The following LUZP2 variants were observed in gnomAD, a reference collection of about 807,000 sequenced individuals.
The protein encoded by LUZP2 is leucine zipper protein 2.
A neutral mutation model predicts 51.6 loss-of-function variants in LUZP2; 52 were observed. That is an observed-to-expected ratio of 1.01 (90% confidence interval 0.81 to 1.27). The LOEUF (loss-of-function observed/expected upper bound fraction) is 1.27. Ranked by LOEUF, LUZP2 falls within the 50% of genes most tolerant of loss-of-function variation. The pLI is 0.00. For missense variants in LUZP2, 436 were observed against 395.4 expected, an observed-to-expected ratio of 1.10 and a Z score of -0.87; for synonymous variants, 154 against 137.3, an observed-to-expected ratio of 1.12 and a Z score of -0.85.
chr11:24,902,160 T>A (rs1259110115), intron 5 of LUZP2, among the ~76,000 whole-genome samples: 1 of 152,180 alleles, frequency 6.6e-6, no homozygotes, highest in Admixed American at 6.5e-5. Context: ...AGTAATTAGG[T>A]TCACGAGTAC....
intron 9 of LUZP2, among the ~76,000 whole-genome samples, chr11:25,014,744 C>A (rs7108673): frequency 0.4 from 60,246 of 151,876 alleles, 14,403 homozygotes; most frequent in East Asian, 0.78. Context: ...TGCAGAAGCT[C>A]TTTAGTTTAA....
At chr11:24,848,657 T>A (rs1418859153) in intron 5 of LUZP2, among the ~76,000 whole-genome samples, 1 of 152,188 alleles carries the variant, frequency 6.6e-6, no homozygotes, top group East Asian at 1.9e-4. Context: ...CAAGCCTTAC[T>A]GCTCCATCTT....
intron 7 of LUZP2, among the ~76,000 whole-genome samples, chr11:24,935,859 C>T (rs1046933471): frequency 1.1e-4 from 16 of 151,962 alleles, no homozygotes; most frequent in African/African-American, 3.9e-4. Context: ...TTTAAAAGAG[C>T]CTTTTTATAT....
chr11:24,949,816 T>TCTCAA (rs1225403440), intron 7 of LUZP2, among the ~76,000 whole-genome samples: 2 of 151,666 alleles, frequency 1.3e-5, no homozygotes, highest in African/African-American at 4.8e-5. Flanking sequence ...AACACGCAGG[T>TCTCAA]GATCAGAACT....
intron 9 of LUZP2, among the ~76,000 whole-genome samples, chr11:25,035,858 A>G (rs765228151): frequency 6.6e-6 from 1 of 152,040 alleles, no homozygotes; most frequent in Non-Finnish European, 1.5e-5. Context: ...CTGCTGCTGC[A>G]CTCAGTTTGC....
At chr11:24,870,484 C>CAG (rs759882414) in intron 5 of LUZP2, among the ~76,000 whole-genome samples, 1 of 22,420 alleles carries the variant, frequency 4.5e-5, no homozygotes, top group South Asian at 3.0e-3. Context: ...CACACACACA[C>CAG]ACACAGACAC....
chr11:24,826,190 A>AATATATATATATAT lies in LUZP2; in HGVS notation c.396+62888_396+62901dup, dbSNP rs1158935544. Reference sequence around the variant, plus strand: ...GACTCCATCTCAAAAAAAAAAAAAAAATATATATATATATATATAGTAAAA... The same window carrying AATATATATATATAT: ...GACTCCATCTCAAAAAAAAAAAAAAAATATATATATATATATATATATATATATATATAGTAAAA... On this transcript the variant is annotated intron_variant, in intron 5 of 11. Coordinates refer to ENST00000336930, the MANE Select transcript of LUZP2 (RefSeq NM_001009909.4). 3.1e-3 allele frequency among the ~76,000 whole-genome samples: 212 copies of AATATATATATATAT among 67,492 alleles called. 1 individual carries two copies. The highest frequency in any genetic ancestry group is 7.8e-3 in the African/African-American group (133 of 16,954). 44.3% of individuals were successfully genotyped at this position (67,492 alleles called of 152,430 possible).
intron 4 of LUZP2, among the ~76,000 whole-genome samples, chr11:24,754,052 T>C (rs1433713569): frequency 6.6e-6 from 1 of 152,198 alleles, no homozygotes; most frequent in Non-Finnish European, 1.5e-5. Flanking sequence ...TTTTATTCAT[T>C]TAATATTTTA....
At chr11:24,604,537 A>G (rs1853846799) in intron 1 of LUZP2, among the ~76,000 whole-genome samples, 1 of 151,896 alleles carries the variant, frequency 6.6e-6, no homozygotes, top group South Asian at 2.1e-4. Context: ...ATGTTATTCT[A>G]TTGAGAAAGT....
intron 1 of LUZP2, among the ~76,000 whole-genome samples, chr11:24,658,968 T>C (rs1349928622): frequency 6.6e-6 from 1 of 152,214 alleles, no homozygotes; most frequent in East Asian, 1.9e-4. Context: ...TTTATACTGT[T>C]GGTGGGACTG....
chr11:24,589,075 A>T (rs1853171772), intron 1 of LUZP2, among the ~76,000 whole-genome samples: 1 of 152,054 alleles, frequency 6.6e-6, no homozygotes, highest in Non-Finnish European at 1.5e-5. Context: ...CATGTGAATG[A>T]ATTTATACCC....
intron 5 of LUZP2, among the ~76,000 whole-genome samples, chr11:24,797,326 C>A (rs572217770): frequency 6.2e-4 from 95 of 152,206 alleles, no homozygotes; most frequent in African/African-American, 2.1e-3. Context: ...ATTCTGAAAA[C>A]CACAATTGAT....
intron 9 of LUZP2, among the ~76,000 whole-genome samples, chr11:24,985,211 A>G (rs1856155169): frequency 1.3e-5 from 2 of 151,634 alleles, no homozygotes; most frequent in African/African-American, 4.8e-5. Flanking sequence ...ACAGCCCTCA[A>G]CTTTTGGAGA....
intron 1 of LUZP2, among the ~76,000 whole-genome samples, chr11:24,615,834 ATT>A (rs1408100898): frequency 6.4e-4 from 97 of 150,632 alleles, no homozygotes; most frequent in Non-Finnish European, 7.4e-5. Context: ...ATATATATAT[ATT>A]ATATATATAA....
intron 1 of LUZP2, among the ~76,000 whole-genome samples, chr11:24,711,290 A>C (rs113021375): frequency 2.0e-5 from 3 of 151,952 alleles, no homozygotes; most frequent in East Asian, 1.9e-4. Flanking sequence ...CTCTACTAAA[A>C]ATACAAAAAA....
chr11:24,972,997 A>G (rs1277224415), intron 7 of LUZP2, among the ~76,000 whole-genome samples: 1 of 150,344 alleles, frequency 6.7e-6, no homozygotes, highest in African/African-American at 2.4e-5. Flanking sequence ...TTTAGTAGAA[A>G]TAGTACCAGC....
At chr11:24,760,142 G>C (rs1859929004) in intron 4 of LUZP2, among the ~76,000 whole-genome samples, 1 of 152,136 alleles carries the variant, frequency 6.6e-6, no homozygotes, top group South Asian at 2.1e-4. Context: ...TTGGCAATTG[G>C]TTATCTAAGA....
chr11:24,832,022 A>T (rs1850718517), intron 5 of LUZP2: 1 of 152,574 alleles, frequency 6.6e-6, no homozygotes, highest in African/African-American at 2.4e-5. Flanking sequence ...TTAGATACAA[A>T]ATAAATATGT....
intron 9 of LUZP2, among the ~76,000 whole-genome samples, chr11:25,004,716 A>G (rs1049273799): frequency 2.0e-5 from 3 of 152,114 alleles, no homozygotes; most frequent in Admixed American, 6.6e-5. Flanking sequence ...CTTTTTCCTA[A>G]TTCTCCTTAG....
Sources: allele counts gnomAD v4.1 joint callset (sites outside exome capture counted in the v4.1 genomes callset), GRCh38; gene constraint gnomAD v4.1.1; transcripts MANE v1.5; gene names NCBI Gene and HGNC (gene_info 2026-07-23, HGNC 2026-07-21).